The following PTPRN2 variants were observed in gnomAD, a reference collection of about 807,000 sequenced individuals.
PTPRN2 encodes receptor-type tyrosine-protein phosphatase N2.
PTPRN2 carries 74 observed loss-of-function variants against 118.8 expected under a neutral mutation model. The ratio of observed to expected loss-of-function variants is 0.62; its 90% CI spans 0.52 to 0.76. PTPRN2 has a LOEUF of 0.76. PTPRN2 is among the 30% of genes least tolerant of loss of function. PTPRN2 has a pLI of 0.00. For synonymous variants in PTPRN2, 641 were observed against 608.0 expected (o/e 1.05, Z -0.80); for missense variants, 1,481 against 1,394.4 (o/e 1.06, Z -0.99).
At position 158,055,831 on chromosome 7, in the gene PTPRN2, C is replaced by T. The variant is rs60009658; in HGVS notation, c.1723+25467G>A. ...TGGCATTCCGGGCTACTACTGGTCTCCGTGACTTGGTGGTAGTTGTCCCCA... is the reference window on the plus strand; with the variant it reads ...TGGCATTCCGGGCTACTACTGGTCTTCGTGACTTGGTGGTAGTTGTCCCCA... On this transcript the variant is annotated intron_variant, in intron 11 of 22. Transcript: ENST00000389418. Among the ~76,000 whole-genome samples, 441 of 152,148 alleles carry T rather than the reference C, an allele frequency of 2.9e-3. 3 individuals are homozygous for T. Among genetic ancestry groups the T allele is most frequent in the African/African-American group, 0.01 (421 of 41,486 alleles).
At chr7:158,491,965 GGAGA>G (rs1374846475) in intron 1 of PTPRN2, among the ~76,000 whole-genome samples, 1 of 152,186 alleles carries the variant, frequency 6.6e-6, no homozygotes, top group African/African-American at 2.4e-5. Flanking sequence ...AACAGCAGGA[GGAGA>G]GGCAGACACC....
At chr7:157,614,435 GAAA>G (rs1353281790) in intron 15 of PTPRN2, among the ~76,000 whole-genome samples, 2 of 151,938 alleles carry the variant, frequency 1.3e-5, no homozygotes, top group Non-Finnish European at 2.9e-5. Context: ...TTCATATCAG[GAAA>G]AAAAGTCAGG....
chr7:157,566,777 A>C (rs185992060), intron 21 of PTPRN2, among the ~76,000 whole-genome samples: 134 of 152,350 alleles, frequency 8.8e-4, no homozygotes, highest in African/African-American at 3.0e-3. Flanking sequence ...TCTCGAACCC[A>C]GGACATACTT....
chr7:157,914,970 T>C (rs1238259246), intron 11 of PTPRN2, among the ~76,000 whole-genome samples: 5 of 152,224 alleles, frequency 3.3e-5, no homozygotes, highest in African/African-American at 1.2e-4. Context: ...AGAATTTCTA[T>C]TATTATATCT....
intron 2 of PTPRN2, among the ~76,000 whole-genome samples, chr7:158,437,599 A>T (rs1281048757): frequency 6.6e-6 from 1 of 152,140 alleles, no homozygotes; most frequent in Non-Finnish European, 1.5e-5. Context: ...TCATTCTTGG[A>T]AGGCTCAGTC....
chr7:158,065,243 G>A (rs76356584), intron 11 of PTPRN2, among the ~76,000 whole-genome samples: 8,798 of 152,300 alleles, frequency 0.058, 526 homozygotes, highest in African/African-American at 0.15. Flanking sequence ...GCACTCAGGC[G>A]TGTCCTGGCT....
intron 3 of PTPRN2, among the ~76,000 whole-genome samples, chr7:158,305,750 T>C (rs1252216454): frequency 1.4e-5 from 2 of 146,238 alleles, no homozygotes; most frequent in African/African-American, 5.2e-5. Flanking sequence ...TACAGAACTC[T>C]GGAAATTAAC....
intron 12 of PTPRN2, among the ~76,000 whole-genome samples, chr7:157,786,708 T>C (rs1804061778): frequency 6.6e-6 from 1 of 152,184 alleles, no homozygotes; most frequent in Non-Finnish European, 1.5e-5. Flanking sequence ...TTGCAATGTG[T>C]TTGGAAACAT....
At chr7:158,533,960 G>A (rs1825443734) in intron 1 of PTPRN2, among the ~76,000 whole-genome samples, 1 of 152,216 alleles carries the variant, frequency 6.6e-6, no homozygotes, top group Non-Finnish European at 1.5e-5. Flanking sequence ...TGAAGATGCA[G>A]GGGCTACCCT....
intron 13 of PTPRN2, among the ~76,000 whole-genome samples, chr7:157,673,542 T>C (rs2150785955): frequency 1.8e-5 from 2 of 111,942 alleles, no homozygotes; most frequent in South Asian, 2.4e-4. Context: ...GGGAGAGGAG[T>C]AGCTAGCTGT....
chr7:157,657,353 CCACACACAT>C (rs1194785907), intron 13 of PTPRN2, among the ~76,000 whole-genome samples: 14 of 138,392 alleles, frequency 1.0e-4, no homozygotes, highest in African/African-American at 2.8e-4. Context: ...ACCACACACA[CCACACACAT>C]CACACATATA....
chr7:157,698,583 C>G (rs1273092510), intron 12 of PTPRN2, among the ~76,000 whole-genome samples: 1 of 152,182 alleles, frequency 6.6e-6, no homozygotes, highest in Non-Finnish European at 1.5e-5. Context: ...ATAGAAAAAG[C>G]CTCAAGGCTT....
At chr7:158,361,449 G>A (rs1348193664) in intron 2 of PTPRN2, among the ~76,000 whole-genome samples, 3 of 152,212 alleles carry the variant, frequency 2.0e-5, no homozygotes, top group African/African-American at 7.2e-5. Context: ...CATCACAGCT[G>A]GCTGGAGAAG....
rs1430346666 is a variant in PTPRN2, at chr7:157,944,067, A to G, written c.1724-45330T>C. Among the ~76,000 whole-genome samples, 1 of 152,210 alleles carries G rather than the reference A, an allele frequency of 6.6e-6. No individual in the cohort carries two copies. The highest frequency in any genetic ancestry group is 2.4e-5 in the African/African-American group (1 of 41,448). ...AAGGGAGCACTGGGCTTCATTTGAC[A>G]TTTCCAGTAAGTATCAAAAGCTGCT... On this transcript the variant is annotated intron_variant, in intron 11 of 22. Coordinates refer to ENST00000389418, the MANE Select transcript of PTPRN2 (RefSeq NM_002847.5). The surrounding 1 kb of genome is among the most constrained non-coding windows in gnomAD (Gnocchi z 4.3).
At chr7:158,034,390 G>A (rs1317769000) in intron 11 of PTPRN2, among the ~76,000 whole-genome samples, 3 of 152,226 alleles carry the variant, frequency 2.0e-5, no homozygotes, top group African/African-American at 7.2e-5. Flanking sequence ...CCCAGTGGGA[G>A]GTACCTGAAT....
chr7:158,578,867 A>T (rs1828486399), intron 1 of PTPRN2, among the ~76,000 whole-genome samples: 1 of 151,798 alleles, frequency 6.6e-6, no homozygotes, highest in Non-Finnish European at 1.5e-5. Context: ...GGTTCAAGTG[A>T]TTCTCCTGCC....
At chr7:158,534,950 C>T (rs1159181732) in intron 1 of PTPRN2, among the ~76,000 whole-genome samples, 2 of 152,110 alleles carry the variant, frequency 1.3e-5, no homozygotes, top group African/African-American at 4.8e-5. Context: ...AGCAGGCAGG[C>T]GTTTCAGTGT....
intron 18 of PTPRN2, 22 bp from the exon 19 acceptor site, chr7:157,576,801 A>C (rs1350640753): frequency 6.3e-7 from 1 of 1,575,610 alleles, no homozygotes; most frequent in East Asian, 2.3e-5. Flanking sequence ...GAGCGGAGGG[A>C]GGGGACAGAG....
At chr7:157,594,464 C>T (rs1441969565) in intron 17 of PTPRN2, among the ~76,000 whole-genome samples, 1 of 152,214 alleles carries the variant, frequency 6.6e-6, no homozygotes, top group African/African-American at 2.4e-5. Flanking sequence ...GTCACTGCTG[C>T]GACAGGCACC....
Sources: allele counts gnomAD v4.1 joint callset (sites outside exome capture counted in the v4.1 genomes callset), GRCh38; gene constraint gnomAD v4.1.1; non-coding constraint Gnocchi (gnomAD v3.1); transcripts MANE v1.5; gene names NCBI Gene and HGNC (gene_info 2026-07-23, HGNC 2026-07-21).